Variants in CGGBP1 observed in about 807,000 individuals in gnomAD.
CGGBP1 encodes the protein CGG triplet repeat-binding protein 1.
Under a neutral mutation model 11.4 loss-of-function variants are expected in CGGBP1, and 4 were observed. That is an observed-to-expected ratio of 0.35 (90% confidence interval 0.17 to 0.80). CGGBP1 has a LOEUF of 0.80. Ranked by LOEUF, CGGBP1 falls within the 30% of genes least tolerant of loss-of-function variation. CGGBP1 has a pLI of 0.52. For synonymous variants in CGGBP1, 76 were observed against 74.1 expected, an observed-to-expected ratio of 1.03 and a Z score of -0.13; for missense variants, 135 against 202.1, an observed-to-expected ratio of 0.67 and a Z score of 2.01.
intron 2 of CGGBP1, among the ~76,000 whole-genome samples, chr3:88,128,261 T>C (rs560875020): frequency 3.4e-4 from 52 of 152,258 alleles, no homozygotes; most frequent in Non-Finnish European, 7.1e-4. Context: ...TAAATGTATA[T>C]TAATAAGCAG....
At chr3:88,074,128 A>G (rs995233024) in intron 2 of CGGBP1, among the ~76,000 whole-genome samples, 6 of 152,174 alleles carry the variant, frequency 3.9e-5, no homozygotes, top group African/African-American at 1.4e-4. Flanking sequence ...ACAAAGAAAA[A>G]TTAAAGTCTA....
rs1382479515 is a variant in CGGBP1, at chr3:88,053,450, GTGAT to G, written c.*2019_*2022del. 1 of 152,058 alleles carries G rather than the reference GTGAT, an allele frequency of 6.6e-6. No individual in the cohort carries two copies. Among genetic ancestry groups the G allele is most frequent in the African/African-American group, 2.4e-5 (1 of 41,414 alleles). The allele number at this position is 152,058 out of a possible 1,614,324, so 9.4% of individuals were successfully genotyped here. A position where few individuals can be genotyped will look rare whatever the true frequency, so the allele number is the denominator to read the frequency against. On this transcript the variant is annotated 3_prime_UTR_variant, in exon 4 of 4. Coordinates refer to ENST00000482016, the MANE Select transcript of CGGBP1 (RefSeq NM_001008390.2). ...ATACATTAAGATATATAAAATTTAA[GTGAT>G]TATCAAATCAGTAGTAACTACTAAA...
intron 2 of CGGBP1, among the ~76,000 whole-genome samples, chr3:88,123,095 A>C (rs888771129): frequency 2.0e-5 from 3 of 152,124 alleles, no homozygotes; most frequent in Non-Finnish European, 4.4e-5. Context: ...TGCATTCTAC[A>C]GTAATTTAAG....
intron 2 of CGGBP1, chr3:88,126,285 C>CA: frequency 6.9e-7 from 1 of 1,458,650 alleles, no homozygotes; most frequent in Non-Finnish European, 9.0e-7. Flanking sequence ...TCAGGAGATT[C>CA]AAAATCAAAC....
chr3:88,074,314 C>CTT (rs1318951899), intron 2 of CGGBP1, among the ~76,000 whole-genome samples: 2 of 147,078 alleles, frequency 1.4e-5, no homozygotes, highest in East Asian at 4.0e-4. Flanking sequence ...AAGGAGAATT[C>CTT]TTTAACTTCC....
intron 2 of CGGBP1, among the ~76,000 whole-genome samples, chr3:88,096,897 A>T (rs533345812): frequency 6.6e-6 from 1 of 152,264 alleles, no homozygotes; most frequent in Non-Finnish European, 1.5e-5. Flanking sequence ...ATATAAGAAA[A>T]AAACCTCATA....
intron 2 of CGGBP1, chr3:88,138,994 A>G (rs1706964926): frequency 2.4e-6 from 3 of 1,245,774 alleles, no homozygotes; most frequent in Non-Finnish European, 3.0e-6. Context: ...CCAATTTTGA[A>G]AAAGGGATTG....
intron 1 of CGGBP1, among the ~76,000 whole-genome samples, chr3:88,145,405 T>C (rs994721366): frequency 2.6e-5 from 4 of 152,140 alleles, no homozygotes; most frequent in African/African-American, 4.8e-5. Context: ...TGAAACATTC[T>C]AGAGCTGAGA....
chr3:88,144,414 C>A (rs1347142577), intron 1 of CGGBP1: 1 of 152,256 alleles, frequency 6.6e-6, no homozygotes, highest in Non-Finnish European at 1.5e-5. Context: ...CTGTAAAACA[C>A]CTTTTCAGAA....
intron 1 of CGGBP1, among the ~76,000 whole-genome samples, chr3:88,147,506 A>G (rs921994491): frequency 1.3e-5 from 2 of 152,360 alleles, no homozygotes; most frequent in Non-Finnish European, 2.9e-5. Context: ...GAAGTCAGAG[A>G]TAAAAAATGA....
chr3:88,062,240 A>C (rs755203365), upstream of CGGBP1, among the ~76,000 whole-genome samples: 6 of 152,218 alleles, frequency 3.9e-5, no homozygotes, highest in Non-Finnish European at 8.8e-5. Context: ...CTTAAGCTTC[A>C]GACAGCAAGT....
At chr3:88,059,318 T>A (rs1434754775), upstream of CGGBP1, 1 of 1,533,880 alleles carries the variant, frequency 6.5e-7, no homozygotes, top group East Asian at 2.4e-5. Context: ...GGCGAGAGCC[T>A]CATGGCGGAG....
chr3:88,086,691 G>A (rs1208901534), intron 2 of CGGBP1, among the ~76,000 whole-genome samples: 4 of 152,170 alleles, frequency 2.6e-5, no homozygotes, highest in Admixed American at 2.0e-4. Flanking sequence ...CTAATGGTAA[G>A]TCCCAGAATA....
At chr3:88,143,054 A>C (rs1707204215) in intron 1 of CGGBP1, 2 of 152,402 alleles carry the variant, frequency 1.3e-5, no homozygotes, top group East Asian at 3.9e-4. Flanking sequence ...TAATGTCCCA[A>C]TGTCAAATAT....
chr3:88,121,848 C>T (rs1186720642), intron 2 of CGGBP1, among the ~76,000 whole-genome samples: 1 of 152,148 alleles, frequency 6.6e-6, no homozygotes, highest in Non-Finnish European at 1.5e-5. Flanking sequence ...AGGTGGTGTT[C>T]TGTAGCTTTA....
chr3:88,095,528 A>G, intron 2 of CGGBP1: 2 of 491,562 alleles, frequency 4.1e-6, no homozygotes, highest in Non-Finnish European at 4.1e-6. Context: ...CTTCTTTTGC[A>G]AGAACCAGGT....
chr3:88,073,125 A>C (rs1259972437), intron 2 of CGGBP1, among the ~76,000 whole-genome samples: 1 of 152,178 alleles, frequency 6.6e-6, no homozygotes, highest in African/African-American at 2.4e-5. Flanking sequence ...TAATGTGTGG[A>C]TCTCCAGACC....
At position 88,052,107 on chromosome 3, in the gene CGGBP1, A is replaced by C. The variant is rs1233493531; in HGVS notation, c.*3366T>G. The C allele has an allele frequency of 1.3e-5, 2 of 152,642 alleles. No homozygotes were observed. The highest frequency in any genetic ancestry group is 4.8e-5 in the African/African-American group (2 of 41,458). 9.5% of individuals were successfully genotyped at this position (152,642 alleles called of 1,614,324 possible). On this transcript the variant is annotated 3_prime_UTR_variant, in exon 4 of 4. Transcript: ENST00000482016. ...CTAAGCATACATGCGTGAGCAAAAA[A>C]AATAAGCACAGAATACAAAAATGAA...
intron 2 of CGGBP1, among the ~76,000 whole-genome samples, chr3:88,076,409 T>C (rs946530424): frequency 6.6e-6 from 1 of 152,306 alleles, no homozygotes; most frequent in Admixed American, 6.5e-5. Context: ...CAGTTACTTC[T>C]GATATATATC....
Sources: allele counts gnomAD v4.1 joint callset (sites outside exome capture counted in the v4.1 genomes callset), GRCh38; gene constraint gnomAD v4.1.1; transcripts MANE v1.5; gene names NCBI Gene and HGNC (gene_info 2026-07-23, HGNC 2026-07-21).